MGAT4C: variants seen among roughly 807,000 people sequenced by gnomAD.
MGAT4C encodes the protein MGAT4 family member C.
MGAT4C carries 19 observed loss-of-function variants against 40.1 expected under a neutral mutation model. That is an observed-to-expected ratio of 0.47 (90% CI 0.33 to 0.70). The LOEUF is 0.70. MGAT4C is among the 30% of genes least tolerant of loss of function. MGAT4C has a pLI of 0.02. For synonymous variants in MGAT4C, 181 were observed against 187.1 expected, an observed-to-expected ratio of 0.97 and a Z score of 0.27; for missense variants, 491 against 563.2, an observed-to-expected ratio of 0.87 and a Z score of 1.30.
chr12:86,008,949 A>C (rs561617866), intron 2 of MGAT4C, among the ~76,000 whole-genome samples: 1 of 152,152 alleles, frequency 6.6e-6, no homozygotes, highest in Non-Finnish European at 1.5e-5. Context: ...TACATTAAAT[A>C]ATTATATAAT....
chr12:86,209,208 C>G (rs966635503), intron 1 of MGAT4C, among the ~76,000 whole-genome samples: 3 of 151,828 alleles, frequency 2.0e-5, no homozygotes, highest in African/African-American at 7.2e-5. Context: ...AAGAGCTTTT[C>G]CATTATTTTT....
At chr12:86,584,910 T>TAA (rs35995301) in intron 2 of MGAT4C, among the ~76,000 whole-genome samples, 128,499 of 151,030 alleles carry the variant, frequency 0.85, 55,206 homozygotes, top group East Asian at 0.96. Flanking sequence ...TTAACATATA[T>TAA]GTTTTTATGT....
At chr12:86,116,014 C>T (rs938054459) in intron 1 of MGAT4C, among the ~76,000 whole-genome samples, 2 of 151,938 alleles carry the variant, frequency 1.3e-5, no homozygotes, top group African/African-American at 4.8e-5. Context: ...ATAACAGTAG[C>T]CACATGAAGA....
At chr12:86,469,084 T>C (rs775844847) in intron 2 of MGAT4C, among the ~76,000 whole-genome samples, 1 of 152,128 alleles carries the variant, frequency 6.6e-6, no homozygotes, top group Non-Finnish European at 1.5e-5. Flanking sequence ...TTCTTTGATG[T>C]ATCCTATGGC....
chr12:86,651,497 T>G (rs1963696115), intron 2 of MGAT4C, among the ~76,000 whole-genome samples: 1 of 151,930 alleles, frequency 6.6e-6, no homozygotes. Flanking sequence ...TTTTGAGTAT[T>G]ATTTTTTAAT....
intron 1 of MGAT4C, among the ~76,000 whole-genome samples, chr12:86,757,699 A>T (rs1951330049): frequency 6.6e-6 from 1 of 152,178 alleles, no homozygotes; most frequent in African/African-American, 2.4e-5. Flanking sequence ...GGGTTGTCAC[A>T]ATGGGACTGT....
At chr12:85,981,100 C>T (rs10779224) in intron 4 of MGAT4C, among the ~76,000 whole-genome samples, 37,330 of 151,874 alleles carry the variant, frequency 0.25, 5,280 homozygotes, top group Non-Finnish European at 0.32. Context: ...AACTTTAATG[C>T]TACATTGTTC....
intron 3 of MGAT4C, among the ~76,000 whole-genome samples, chr12:86,416,301 A>G (rs558769413): frequency 6.6e-6 from 1 of 152,254 alleles, no homozygotes; most frequent in South Asian, 2.1e-4. Flanking sequence ...AAAAATTTAC[A>G]TTCTGAGATA....
chr12:86,225,064 C>A (rs1951024852), intron 1 of MGAT4C, among the ~76,000 whole-genome samples: 1 of 150,288 alleles, frequency 6.7e-6, no homozygotes, highest in Non-Finnish European at 1.5e-5. Flanking sequence ...AAGGAAGATC[C>A]AAAAGAAAAT....
At chr12:86,254,878 T>C (rs1952452781) in intron 1 of MGAT4C, among the ~76,000 whole-genome samples, 1 of 152,062 alleles carries the variant, frequency 6.6e-6, no homozygotes. Flanking sequence ...CAGACCTGAA[T>C]GGACTAAAGG....
At chr12:86,034,500 A>AT (rs1057410279) in intron 2 of MGAT4C, among the ~76,000 whole-genome samples, 5 of 148,506 alleles carry the variant, frequency 3.4e-5, no homozygotes, top group Admixed American at 2.0e-4. Context: ...GAATTGACCA[A>AT]TTTTTTTTCC....
At position 85,969,464 on chromosome 12, in the gene MGAT4C, T is replaced by G. The variant is rs1287787727; in HGVS notation, c.*9825A>C. On this transcript the variant is annotated 3_prime_UTR_variant, in exon 5 of 5. Coordinates refer to ENST00000611864, the MANE Select transcript of MGAT4C (RefSeq NM_001351288.2). ...AGTTATAATTTTTGGAGTCTTTTAG[T>G]GTACCCAGAGCCCATGAGTTTTTAT... The G allele has an allele frequency of 2.0e-5, 3 of 151,716 alleles. No homozygotes were observed. The highest frequency in any genetic ancestry group is 7.2e-5 in the African/African-American group (3 of 41,418). 9.4% of individuals were successfully genotyped at this position (151,716 alleles called of 1,614,324 possible). A position where few individuals can be genotyped will look rare whatever the true frequency, so the allele number is the denominator to read the frequency against.
intron 1 of MGAT4C, among the ~76,000 whole-genome samples, chr12:86,756,173 C>T (rs1305008214): frequency 6.6e-6 from 1 of 152,108 alleles, no homozygotes; most frequent in East Asian, 1.9e-4. Flanking sequence ...CAAGGCTGGC[C>T]ATTGTTTCAA....
At chr12:86,588,501 G>A (rs1313968112) in intron 2 of MGAT4C, among the ~76,000 whole-genome samples, 1 of 151,966 alleles carries the variant, frequency 6.6e-6, no homozygotes, top group South Asian at 2.1e-4. Flanking sequence ...CAACAAGACA[G>A]AAAGTTAACA....
intron 3 of MGAT4C, among the ~76,000 whole-genome samples, chr12:86,344,769 T>G (rs1954990584): frequency 6.7e-6 from 1 of 149,734 alleles, no homozygotes; most frequent in South Asian, 2.1e-4. Context: ...TGTGTGTGTG[T>G]GTGTGTAGCG....
At chr12:86,188,794 G>A (rs1236746276) in intron 1 of MGAT4C, among the ~76,000 whole-genome samples, 2 of 151,352 alleles carry the variant, frequency 1.3e-5, no homozygotes, top group African/African-American at 2.4e-5. Context: ...TTATTGGAAG[G>A]GAAAAAAGTC....
intron 3 of MGAT4C, among the ~76,000 whole-genome samples, chr12:86,344,750 G>GTGTA (rs1555269389): frequency 3.4e-3 from 412 of 120,960 alleles, no homozygotes; most frequent in East Asian, 0.032. Context: ...GTGTGTGTGT[G>GTGTA]TGTGTATGTG....
chr12:86,769,184 A>T (rs577881406), intron 1 of MGAT4C, among the ~76,000 whole-genome samples: 1 of 152,100 alleles, frequency 6.6e-6, no homozygotes, highest in African/African-American at 2.4e-5. Flanking sequence ...GAAAAACAAA[A>T]AACCCCATAA....
chr12:86,767,531 C>T lies in MGAT4C; in HGVS notation c.-261-40290G>A, dbSNP rs1030782008. 2.6e-5 allele frequency among the ~76,000 whole-genome samples: 4 copies of T among 152,220 alleles called. No homozygotes were observed. In the East Asian group the frequency reaches 7.7e-4, roughly 29 times the overall value. On this transcript the variant is annotated intron_variant, in intron 1 of 7. Coordinates refer to the MGAT4C transcript ENST00000548651. Reference sequence around the variant, plus strand: ...ACTCATTTTATGAGGCCAGCATCATCCTGATACCAAAGCTGGGCAGAGACA... The same window carrying T: ...ACTCATTTTATGAGGCCAGCATCATTCTGATACCAAAGCTGGGCAGAGACA...
Sources: gnomAD v4.1 joint callset for allele counts (sites outside exome capture counted in the v4.1 genomes callset) on GRCh38, gnomAD v4.1.1 for gene constraint, MANE v1.5 for transcripts, NCBI Gene and HGNC (gene_info 2026-07-23, HGNC 2026-07-21) for gene names.